The following FBXL17 variants were observed in gnomAD, a reference collection of about 807,000 sequenced individuals.
The protein encoded by FBXL17 is F-box/LRR-repeat protein 17.
FBXL17 carries 22 observed loss-of-function variants against 66.2 expected under a neutral mutation model. That is an observed-to-expected ratio of 0.33 (90% CI 0.24 to 0.47). FBXL17 has a LOEUF of 0.47. Among genes scored for constraint, FBXL17 ranks in the 20% least tolerant of loss-of-function variants. The probability of loss-of-function intolerance (pLI) is 1.00; values close to 1 mark genes in which losing one functional copy is unlikely to be tolerated. For missense variants in FBXL17, 878 were observed against 948.2 expected, an observed-to-expected ratio of 0.93 and a Z score of 0.97; for synonymous variants, 474 against 400.5, an observed-to-expected ratio of 1.18 and a Z score of -2.19.
intron 7 of FBXL17, among the ~76,000 whole-genome samples, chr5:107,959,624 C>T (rs956938867): frequency 6.6e-6 from 1 of 152,116 alleles, no homozygotes; most frequent in African/African-American, 2.4e-5. Context: ...ATAGGAGTGG[C>T]TTTTATTACA....
chr5:107,972,788 T>C (rs35575289), intron 7 of FBXL17, among the ~76,000 whole-genome samples: 15,300 of 152,248 alleles, frequency 0.1, 875 homozygotes, highest in South Asian at 0.13. Context: ...TCACTTTTTT[T>C]TACAGACCTT....
intron 7 of FBXL17, among the ~76,000 whole-genome samples, chr5:107,960,552 T>C (rs1004758500): frequency 5.3e-5 from 8 of 152,168 alleles, no homozygotes; most frequent in Non-Finnish European, 8.8e-5. Flanking sequence ...TAGATTTCTA[T>C]AGGAGTTCAA....
intron 7 of FBXL17, among the ~76,000 whole-genome samples, chr5:107,972,055 A>AGAGTGGAGGTGCC (rs1452939469): frequency 6.6e-5 from 10 of 152,238 alleles, no homozygotes; most frequent in African/African-American, 2.4e-4. Flanking sequence ...CAGTGTTCGC[A>AGAGTGGAGGTGCC]GAGTGGAGGT....
chr5:108,114,191 C>T (rs771253803), intron 6 of FBXL17, among the ~76,000 whole-genome samples: 10 of 152,008 alleles, frequency 6.6e-5, no homozygotes, highest in Non-Finnish European at 1.5e-4. Context: ...CTCCATTGTA[C>T]GAACATAACA....
At chr5:108,139,954 C>T (rs868681939) in intron 6 of FBXL17, among the ~76,000 whole-genome samples, 7 of 152,066 alleles carry the variant, frequency 4.6e-5, no homozygotes, top group Admixed American at 1.3e-4. Flanking sequence ...TTGGCTCAGC[C>T]CCTAAACACG....
intron 4 of FBXL17, among the ~76,000 whole-genome samples, chr5:108,282,079 C>T (rs751375235): frequency 8.6e-5 from 13 of 151,772 alleles, no homozygotes; most frequent in Non-Finnish European, 1.6e-4. Flanking sequence ...GGATTCACAG[C>T]CAAATTATCC....
chr5:108,100,090 A>G (rs1044849704), intron 6 of FBXL17, among the ~76,000 whole-genome samples: 1 of 152,182 alleles, frequency 6.6e-6, no homozygotes, highest in African/African-American at 2.4e-5. Flanking sequence ...TACTATTTAT[A>G]GTATGATTTT....
intron 8 of FBXL17, among the ~76,000 whole-genome samples, chr5:107,877,743 C>T (rs1748656267): frequency 6.6e-6 from 1 of 151,616 alleles, no homozygotes; most frequent in African/African-American, 2.4e-5. Context: ...TCCACTGGCT[C>T]CACTGGTGTG....
intron 6 of FBXL17, among the ~76,000 whole-genome samples, chr5:108,096,377 T>C (rs1038060294): frequency 5.9e-5 from 9 of 152,300 alleles, no homozygotes; most frequent in African/African-American, 2.2e-4. Context: ...ACGATCTTAG[T>C]GTTACAAGGC....
intron 7 of FBXL17, among the ~76,000 whole-genome samples, chr5:107,886,408 C>T (rs1287284518): frequency 2.6e-5 from 4 of 151,960 alleles, no homozygotes; most frequent in South Asian, 2.1e-4. Flanking sequence ...CTGAGGGCAA[C>T]GGCACCCTAG....
In FBXL17 at chr5:107,859,471, AC is replaced by A. The variant is rs1401407705; in HGVS notation, c.*2248del. ...TATTTCTACGGATTTCTACAAATGT[AC>A]CAAAGCAGTTTTCCAGATTATGTTG... On this transcript the variant is annotated 3_prime_UTR_variant, in exon 9 of 9. Coordinates refer to ENST00000542267, the MANE Select transcript of FBXL17 (RefSeq NM_001163315.3). The A allele has an allele frequency of 2.2e-5, 3 of 135,092 alleles. No homozygotes were observed. The highest frequency in any genetic ancestry group is 8.4e-5 in the African/African-American group (3 of 35,730). The allele number at this position is 135,092 out of a possible 1,614,324, so 8.4% of individuals were successfully genotyped here. A position where few individuals can be genotyped will look rare whatever the true frequency, so the allele number is the denominator to read the frequency against.
intron 6 of FBXL17, among the ~76,000 whole-genome samples, chr5:108,116,108 G>A (rs953522241): frequency 1.1e-4 from 16 of 152,138 alleles, no homozygotes; most frequent in Middle Eastern, 3.4e-3. Context: ...TAGAAAGAAT[G>A]TAGTAAACAA....
At chr5:108,262,073 TATTTA>T (rs1382611594) in intron 4 of FBXL17, among the ~76,000 whole-genome samples, 23 of 110,912 alleles carry the variant, frequency 2.1e-4, no homozygotes, top group East Asian at 7.9e-4. Context: ...TTTATTTATT[TATTTA>T]TTTATTTATT....
intron 6 of FBXL17, among the ~76,000 whole-genome samples, chr5:108,140,581 A>G (rs1308446872): frequency 6.6e-6 from 1 of 152,132 alleles, no homozygotes; most frequent in Admixed American, 6.5e-5. Context: ...CTTACAAATG[A>G]CATTTATTGG....
chr5:108,169,197 AATG>A (rs751230835), intron 6 of FBXL17, among the ~76,000 whole-genome samples: 7 of 152,320 alleles, frequency 4.6e-5, no homozygotes, highest in South Asian at 4.1e-4. Flanking sequence ...TCTATAACAT[AATG>A]ATGTCTCTGT....
intron 7 of FBXL17, among the ~76,000 whole-genome samples, chr5:107,956,805 GTAC>G (rs1751681624): frequency 6.6e-6 from 1 of 152,058 alleles, no homozygotes; most frequent in Admixed American, 6.6e-5. Flanking sequence ...TTGAAAATTT[GTAC>G]TACTATTTCA....
intron 3 of FBXL17, among the ~76,000 whole-genome samples, chr5:108,349,095 T>C (rs1412844513): frequency 6.6e-6 from 1 of 152,152 alleles, no homozygotes; most frequent in African/African-American, 2.4e-5. Context: ...TGTGAGCCAC[T>C]GCACCCAGCC....
chr5:108,043,057 G>A (rs139663691), intron 6 of FBXL17, among the ~76,000 whole-genome samples: 4 of 151,920 alleles, frequency 2.6e-5, no homozygotes, highest in Admixed American at 2.6e-4. Context: ...TGTCATTTAC[G>A]CATTTTCTAA....
At position 108,189,066 on chromosome 5, in the gene FBXL17, A is replaced by C. The variant is rs530555929; in HGVS notation, c.1615-2819T>G. 1.1e-3 allele frequency among the ~76,000 whole-genome samples: 173 copies of C among 152,284 alleles called. 3 individuals carry two copies. The highest frequency in any genetic ancestry group is 3.9e-3 in the African/African-American group (164 of 41,566). On this transcript the variant is annotated intron_variant, in intron 5 of 8. Coordinates refer to ENST00000542267, the MANE Select transcript of FBXL17 (RefSeq NM_001163315.3). ...CACAGTCATGGCTGGGCTTGGAGCA[A>C]AATGGAAGGCCAACATCTTTTATGA...
Sources: allele counts gnomAD v4.1 joint callset (sites outside exome capture counted in the v4.1 genomes callset), GRCh38; gene constraint gnomAD v4.1.1; transcripts MANE v1.5; gene names NCBI Gene and HGNC (gene_info 2026-07-23, HGNC 2026-07-21).